Variants in CLN6 observed in about 807,000 individuals in gnomAD.
CLN6 encodes ceroid-lipofuscinosis neuronal protein 6.
CLN6 carries 22 observed loss-of-function variants against 33.3 expected under a neutral mutation model. The ratio of observed to expected loss-of-function variants is 0.66; its 90% confidence interval spans 0.47 to 0.94. The LOEUF is 0.94. Among genes scored for constraint, CLN6 ranks in the 40% least tolerant of loss-of-function variants. The pLI, the probability that CLN6 is intolerant of heterozygous loss-of-function variation, is 0.00. For missense variants in CLN6, 387 were observed against 417.1 expected (o/e 0.93, Z 0.63); for synonymous variants, 201 against 174.6 (o/e 1.15, Z -1.19).
intron 1 of CLN6, among the ~76,000 whole-genome samples, chr15:68,253,858 T>A (rs1437030573): frequency 7.1e-6 from 1 of 140,188 alleles, no homozygotes; most frequent in Non-Finnish European, 1.5e-5. Flanking sequence ...CCTATGCCTA[T>A]GATAAAACTA....
Position 68,256,942 on chromosome 15 carries a change from G to A in CLN6, c.-74C>T. The stretch of plus-strand genomic sequence containing the variant: ...GCGCGTCCCACCGCGTCGTGGGGCA[G>A]GGTGTAGTGATGGTCACGCATCCCT... On this transcript the variant is annotated 5_prime_UTR_variant, in exon 1 of 7. Coordinates refer to the CLN6 transcript ENST00000538696. The surrounding 1 kb of genome is among the most constrained non-coding windows in gnomAD (Gnocchi z 4.1). 1.6e-6 allele frequency: 1 copy of A among 618,022 alleles called. No individual in the cohort carries two copies. The allele number at this position is 618,022 out of a possible 1,614,324, so 38.3% of individuals were successfully genotyped here.
chr15:68,216,353 G>T (rs117784415), intron 2 of CLN6, among the ~76,000 whole-genome samples: 1,982 of 152,290 alleles, frequency 0.013, 26 homozygotes, highest in Admixed American at 0.021. Context: ...ACAGTGACTT[G>T]CCCTAGGTCA....
intron 1 of CLN6, among the ~76,000 whole-genome samples, chr15:68,222,676 C>CA (rs1567099540): frequency 1.3e-5 from 2 of 152,038 alleles, no homozygotes; most frequent in South Asian, 4.2e-4. Context: ...GCAGTTTTGT[C>CA]AAAAAGAAAA....
In CLN6 at chr15:68,209,621, G is replaced by C. The variant is rs1214895352; in HGVS notation, c.665+16C>G. On this transcript the variant is annotated intron_variant, in intron 6 of 6. Transcript: ENST00000249806. This position sits in a 1 kb window ranked among gnomAD's most constrained non-coding sequence, Gnocchi z 4.9. Reference sequence around the variant, plus strand: ...TCAGTGCCCCTGCCTCTGCCCCCATGCTGATGTCCACTCACCAGTAGTACA... The same window carrying C: ...TCAGTGCCCCTGCCTCTGCCCCCATCCTGATGTCCACTCACCAGTAGTACA... 1 of 1,611,738 alleles carries C rather than the reference G, an allele frequency of 6.2e-7. No individual in the cohort carries two copies. Among genetic ancestry groups the C allele is most frequent in the Non-Finnish European group, 8.5e-7 (1 of 1,179,770 alleles).
chr15:68,209,862 T>C lies in CLN6; in HGVS notation c.543-103A>G. 1 of 1,524,520 alleles carries C rather than the reference T, an allele frequency of 6.6e-7. No individual in the cohort carries two copies. The highest frequency in any genetic ancestry group is 9.0e-7 in the Non-Finnish European group (1 of 1,109,176). 94.4% of individuals were successfully genotyped at this position (1,524,520 alleles called of 1,614,324 possible). A position where few individuals can be genotyped will look rare whatever the true frequency, so the allele number is the denominator to read the frequency against. On this transcript the variant is annotated intron_variant, in intron 5 of 6. Coordinates refer to ENST00000249806, the MANE Select transcript of CLN6 (RefSeq NM_017882.3). This position sits in a 1 kb window ranked among gnomAD's most constrained non-coding sequence, Gnocchi z 4.9. ...GGTCTCATGGAGTGCCACGTCACAG[T>C]TTACAAAACGCCTAGCCTGGGTGAG... is the stretch of plus-strand genomic sequence containing the variant.
rs1368837490 is a variant in CLN6, at chr15:68,247,135, C to T, written c.179+9555G>A. Reference sequence around the variant, plus strand: ...AAGGATGCCCACCTCCACTTTTATTCAACATAGTATTGGAAGTCCTGTCCA... The same window carrying T: ...AAGGATGCCCACCTCCACTTTTATTTAACATAGTATTGGAAGTCCTGTCCA... On this transcript the variant is annotated intron_variant, in intron 1 of 6. Coordinates refer to the CLN6 transcript ENST00000538696. This position sits in a 1 kb window ranked among gnomAD's most constrained non-coding sequence, Gnocchi z 4.2. 6.6e-6 allele frequency among the ~76,000 whole-genome samples: 1 copy of T among 151,998 alleles called. No homozygotes were observed. Among genetic ancestry groups the T allele is most frequent in the Non-Finnish European group, 1.5e-5 (1 of 68,024 alleles).
chr15:68,210,953 G>T lies in CLN6; in HGVS notation c.542+310C>A, dbSNP rs781639564. 3.9e-5 allele frequency among the ~76,000 whole-genome samples: 6 copies of T among 152,158 alleles called. No homozygotes were observed. Among genetic ancestry groups the T allele is most frequent in the African/African-American group, 9.7e-5 (4 of 41,438 alleles). Reference sequence around the variant, plus strand: ...CCCACCCTCAGGGCTCAGGCTTGGCGAGGAAGGACCAAAGCCACTCGCTGC... The same window carrying T: ...CCCACCCTCAGGGCTCAGGCTTGGCTAGGAAGGACCAAAGCCACTCGCTGC... On this transcript the variant is annotated intron_variant, in intron 5 of 6. Transcript: ENST00000249806. This position sits in a 1 kb window ranked among gnomAD's most constrained non-coding sequence, Gnocchi z 5.6.
intron 1 of CLN6, chr15:68,254,863 G>C: frequency 1.8e-6 from 2 of 1,135,040 alleles, no homozygotes; most frequent in South Asian, 2.4e-5. Flanking sequence ...TGCCCAAACA[G>C]ACCAGACACA....
At chr15:68,223,949 G>A (rs774010750) in intron 1 of CLN6, among the ~76,000 whole-genome samples, 2 of 151,934 alleles carry the variant, frequency 1.3e-5, no homozygotes, top group Non-Finnish European at 2.9e-5. Context: ...GGGAGGCTGA[G>A]GCAGGACAAT....
At chr15:68,229,226 A>T (rs1009222029) in intron 1 of CLN6, among the ~76,000 whole-genome samples, 1 of 152,248 alleles carries the variant, frequency 6.6e-6, no homozygotes, top group South Asian at 2.1e-4. Context: ...GGAAGGGAGG[A>T]AAACCCCAAA....
At position 68,214,359 on chromosome 15, in the gene CLN6, G is replaced by A. The variant is rs1306692606; in HGVS notation, c.228C>T (p.Leu76=). The A allele has an allele frequency of 1.2e-6, 2 of 1,613,920 alleles. No individual in the cohort carries two copies. Among genetic ancestry groups the A allele is most frequent in the Admixed American group, 3.3e-5 (2 of 60,010 alleles). The change falls in exon 3 of 7, where the codon CTC becomes CTT. Residue 76 remains leucine (L), a synonymous_variant. Transcript: ENST00000249806. ...AGTAGTCCCCAACACTGGGCTTGTT[G>A]AGTGGAAACCACTCGAGAGGGAATA... ...MLVFPLEWFP[L]NKPSVGDYFH...
Position 68,236,909 on chromosome 15 carries a change from G to A in CLN6, c.180-18259C>T, listed in dbSNP as rs1329757121. Among the ~76,000 whole-genome samples the A allele has an allele frequency of 1.3e-5, 2 of 151,892 alleles. No individual in the cohort carries two copies. Among genetic ancestry groups the A allele is most frequent in the African/African-American group, 4.8e-5 (2 of 41,340 alleles). On this transcript the variant is annotated intron_variant, in intron 1 of 6. Transcript: ENST00000538696. This position sits in a 1 kb window ranked among gnomAD's most constrained non-coding sequence, Gnocchi z 4.5. Reference sequence around the variant, plus strand: ...GCGGTGGCTCACGCCTGTAATCCCAGCACTTTGGGAGGCCGAGGCGGGTGG... The same window carrying A: ...GCGGTGGCTCACGCCTGTAATCCCAACACTTTGGGAGGCCGAGGCGGGTGG...
upstream of CLN6, among the ~76,000 whole-genome samples, chr15:68,230,801 A>T (rs2093267303): frequency 6.6e-6 from 1 of 152,094 alleles, no homozygotes; most frequent in Non-Finnish European, 1.5e-5. This position sits in a 1 kb window ranked among gnomAD's most constrained non-coding sequence, Gnocchi z 4.0. Flanking sequence ...CAATGTCACA[A>T]ACTCTCTCCT....
rs931342763 is a variant in CLN6 at position 68,207,473 on chromosome 15, CA to C, written c.*666del. On this transcript the variant is annotated 3_prime_UTR_variant, in exon 7 of 7. Transcript: ENST00000249806. Reference sequence around the variant, plus strand: ...CATACCTCATGGGCCTGAGCCTGGGCAGGGGTCTGGAGTGCACATAGCCCCC... The same window carrying C: ...CATACCTCATGGGCCTGAGCCTGGGCGGGGTCTGGAGTGCACATAGCCCCC... The C allele has an allele frequency of 1.3e-5, 2 of 156,724 alleles. No individual in the cohort carries two copies. Among genetic ancestry groups the C allele is most frequent in the African/African-American group, 4.8e-5 (2 of 41,472 alleles). 9.7% of individuals were successfully genotyped at this position (156,724 alleles called of 1,614,324 possible). A position where few individuals can be genotyped will look rare whatever the true frequency, so the allele number is the denominator to read the frequency against.
chr15:68,229,546 C>G lies in CLN6; in HGVS notation c.39G>C (p.Thr13=). 1 of 1,468,474 alleles carries G rather than the reference C, an allele frequency of 6.8e-7. No individual in the cohort carries two copies. 91.0% of individuals were successfully genotyped at this position (1,468,474 alleles called of 1,614,324 possible). ...CGCCCAGCTGCGCGCCTGGGCCGCC[C>G]GTCGCTCCCAGGTGCTGCCGCCTCC... is the stretch of plus-strand genomic sequence containing the variant. ...ATRRRQHLGA[T]GGPGAQLGAS... Residue 13 remains threonine (T), a synonymous_variant, in exon 1 of 7, where the codon ACG becomes ACC. Coordinates refer to ENST00000249806, the MANE Select transcript of CLN6 (RefSeq NM_017882.3).
intron 1 of CLN6, among the ~76,000 whole-genome samples, chr15:68,244,616 A>C (rs1264568134): frequency 1.3e-5 from 2 of 152,202 alleles, no homozygotes; most frequent in Admixed American, 1.3e-4. Flanking sequence ...AAACATTTGA[A>C]AGCATAAAAC....
chr15:68,226,843 C>T lies in CLN6; in HGVS notation c.83+2659G>A, dbSNP rs1406872288. 7.3e-5 allele frequency among the ~76,000 whole-genome samples: 11 copies of T among 151,344 alleles called. No homozygotes were observed. In the East Asian group the frequency reaches 1.7e-3, roughly 24 times the overall value. On this transcript the variant is annotated intron_variant, in intron 1 of 6. Coordinates refer to ENST00000249806, the MANE Select transcript of CLN6 (RefSeq NM_017882.3). ...AGCAGGGCCTGATCCATAAAAAGTG[C>T]TAGTGTTTTTTATTGTTATAAACAT...
At chr15:68,221,124 T>G (rs2141147286) in intron 1 of CLN6, among the ~76,000 whole-genome samples, 1 of 152,160 alleles carries the variant, frequency 6.6e-6, no homozygotes, top group South Asian at 2.1e-4. Flanking sequence ...GTGCTGGGAT[T>G]ACAGCTGTGA....
At chr15:68,229,344 C>T (rs2093261510) in intron 1 of CLN6, among the ~76,000 whole-genome samples, 158 bp downstream of exon 1, 1 of 152,196 alleles carries the variant, frequency 6.6e-6, no homozygotes, top group South Asian at 2.1e-4. Context: ...GCACCGCCGC[C>T]ACGGTAGCGC....
Sources: gnomAD v4.1 joint callset for allele counts (sites outside exome capture counted in the v4.1 genomes callset) on GRCh38, gnomAD v4.1.1 for gene constraint, Gnocchi (gnomAD v3.1) non-coding constraint, MANE v1.5 for transcripts, NCBI Gene and HGNC (gene_info 2026-07-23, HGNC 2026-07-21) for gene names.